Variants in SLC6A3 observed in about 807,000 individuals in gnomAD.
SLC6A3 encodes the protein solute carrier family 6 member 3, also known as sodium-dependent dopamine transporter.
SLC6A3 carries 19 observed loss-of-function variants against 70.4 expected under a neutral mutation model. That is an observed-to-expected ratio of 0.27 (90% CI 0.19 to 0.40). The LOEUF (loss-of-function observed/expected upper bound fraction) is 0.40, where lower values mean the gene tolerates loss of function less well. SLC6A3 is among the 10% of genes least tolerant of loss of function. The pLI, the probability that SLC6A3 is intolerant of heterozygous loss-of-function variation, is 1.00. For missense variants in SLC6A3, 613 were observed against 838.5 expected (o/e 0.73, Z 3.32); for synonymous variants, 368 against 356.6 (o/e 1.03, Z -0.36).
chr5:1,398,883 T>C (rs1284441180), intron 14 of SLC6A3, among the ~76,000 whole-genome samples: 1 of 152,154 alleles, frequency 6.6e-6, no homozygotes, highest in Non-Finnish European at 1.5e-5. Context: ...CAAACAAATA[T>C]ACTATCGAGG....
Position 1,411,287 on chromosome 5 carries a change from C to T in SLC6A3, c.1225G>A (p.Val409Met), listed in dbSNP as rs555596885. ...ATLPLSSAWA[V>M]VFFIMLLTLG... is the part of the protein sequence containing the mutation. ...GTGAGCAGCATGATGAAGAAGACCA[C>T]GGCCCAGGCTGAGGACAGAGGGAGC... Residue 409 changes from valine (V) to methionine (M), a missense_variant, in exon 9 of 15, where the codon GTG becomes ATG. Transcript: ENST00000270349. The surrounding 1 kb of genome is among the most constrained non-coding windows in gnomAD (Gnocchi z 6.5). 1.7e-5 allele frequency: 26 copies of T among 1,554,832 alleles called. No individual in the cohort carries two copies. The highest frequency in any genetic ancestry group is 4.1e-5 in the African/African-American group (3 of 73,210).
At position 1,397,325 on chromosome 5, in the gene SLC6A3, G is replaced by T. The variant is rs980644469; in HGVS notation, c.1840-2567C>A. Among the ~76,000 whole-genome samples, 2 of 152,230 alleles carry T rather than the reference G, an allele frequency of 1.3e-5. No homozygotes were observed. The highest frequency in any genetic ancestry group is 2.9e-5 in the Non-Finnish European group (2 of 68,044). On this transcript the variant is annotated intron_variant, in intron 14 of 14. Transcript: ENST00000270349. This position sits in a 1 kb window ranked among gnomAD's most constrained non-coding sequence, Gnocchi z 4.7. ...GGGTGCCTGCAGTCCCAGCTACTCGGGAGGCTGAGGCAGGAGAATGGCGCG... is the reference window on the plus strand; with the variant it reads ...GGGTGCCTGCAGTCCCAGCTACTCGTGAGGCTGAGGCAGGAGAATGGCGCG...
At chr5:1,423,570 TCGCAGTTC>T (rs1395173576) in intron 4 of SLC6A3, among the ~76,000 whole-genome samples, 2 of 152,238 alleles carry the variant, frequency 1.3e-5, no homozygotes, top group African/African-American at 4.8e-5. Context: ...CAGGAATCAC[TCGCAGTTC>T]CACTGTTTTT....
Position 1,432,473 on chromosome 5 carries a change from T to G in SLC6A3, c.644A>C (p.Glu215Ala). The G allele has an allele frequency of 1.2e-6, 2 of 1,613,650 alleles. No individual in the cohort carries two copies. Among genetic ancestry groups the G allele is most frequent in the Non-Finnish European group, 1.7e-6 (2 of 1,179,538 alleles). ...NDTFGTTPAAEYFERGVLHLH... is the reference protein window; with the variant it reads ...NDTFGTTPAAAYFERGVLHLH... The stretch of plus-strand genomic sequence containing the variant: ...CCCGACTCCCACTTACTCAAAGTAC[T>G]CGGCAGCAGGTGTGGTCCCAAAAGT... The change falls in exon 4 of 15, where the codon GAG becomes GCG. Residue 215 changes from glutamate (E) to alanine (A), a missense_variant. Physicochemically the swap from Glu to Ala is moderately radical, Grantham distance 107. Transcript: ENST00000270349.
chr5:1,415,435 C>A (rs563820838), intron 7 of SLC6A3, among the ~76,000 whole-genome samples: 9 of 152,308 alleles, frequency 5.9e-5, no homozygotes, highest in African/African-American at 1.9e-4. Context: ...GGGCTGCGGG[C>A]AGGCGCTGCC....
chr5:1,422,994 A>G (rs111656728), intron 4 of SLC6A3, among the ~76,000 whole-genome samples: 16 of 39,384 alleles, frequency 4.1e-4, no homozygotes, highest in East Asian at 1.3e-3. Context: ...GCTGCTGGGT[A>G]CCCACTGCTG....
intron 7 of SLC6A3, among the ~76,000 whole-genome samples, chr5:1,415,322 A>G (rs1392772131): frequency 6.6e-6 from 1 of 152,118 alleles, no homozygotes. Context: ...GGGGTCGGTC[A>G]GGGCACCAGC....
In SLC6A3 at chr5:1,436,500, A is replaced by G. The variant is rs541436716; in HGVS notation, c.419-3802T>C. On this transcript the variant is annotated intron_variant, in intron 3 of 14. Coordinates refer to ENST00000270349, the MANE Select transcript of SLC6A3 (RefSeq NM_001044.5). The surrounding 1 kb of genome is among the most constrained non-coding windows in gnomAD (Gnocchi z 5.2). ...CTTCCCTCCTGTCTGACTCCCAGGA[A>G]GCTCGGCGCTAAGTGTGAATTTCAA... 6.6e-6 allele frequency among the ~76,000 whole-genome samples: 1 copy of G among 152,330 alleles called. No individual in the cohort carries two copies. Among genetic ancestry groups the G allele is most frequent in the Admixed American group, 6.5e-5 (1 of 15,306 alleles).
At chr5:1,423,523 C>G (rs1756511470) in intron 4 of SLC6A3, among the ~76,000 whole-genome samples, 1 of 152,264 alleles carries the variant, frequency 6.6e-6, no homozygotes, top group Non-Finnish European at 1.5e-5. Flanking sequence ...TATGAGGATT[C>G]CACAAGGAAC....
At chr5:1,420,971 A>T (rs1269273972) in intron 5 of SLC6A3, among the ~76,000 whole-genome samples, 1 of 152,222 alleles carries the variant, frequency 6.6e-6, no homozygotes, top group Admixed American at 6.5e-5. Flanking sequence ...GGTCCGCCAG[A>T]GTAGCTGGGA....
intron 12 of SLC6A3, among the ~76,000 whole-genome samples, chr5:1,403,445 A>G (rs1186219667): frequency 9.1e-6 from 1 of 110,382 alleles, no homozygotes; most frequent in African/African-American, 3.6e-5. Flanking sequence ...ATCCTGTTCT[A>G]TCCCCTCTCC....
intron 6 of SLC6A3, among the ~76,000 whole-genome samples, chr5:1,419,618 T>C (rs1200872943): frequency 3.3e-5 from 5 of 152,170 alleles, no homozygotes; most frequent in African/African-American, 1.2e-4. Context: ...CCTGCTGACT[T>C]CATGGTTTGT....
intron 3 of SLC6A3, among the ~76,000 whole-genome samples, chr5:1,441,001 T>C (rs879265737): frequency 2.0e-5 from 3 of 152,142 alleles, no homozygotes; most frequent in South Asian, 2.1e-4. Context: ...AGACCAATAA[T>C]AAAGATAGAT....
chr5:1,398,621 A>T (rs546931203), intron 14 of SLC6A3, among the ~76,000 whole-genome samples: 1 of 152,352 alleles, frequency 6.6e-6, no homozygotes, highest in African/African-American at 2.4e-5. Flanking sequence ...TTTGCAAAAG[A>T]CACTTAAATC....
In SLC6A3 at chr5:1,404,767, A is replaced by G. The variant is rs1755931261; in HGVS notation, c.1599+1421T>C. On this transcript the variant is annotated intron_variant, in intron 12 of 14. Coordinates refer to ENST00000270349, the MANE Select transcript of SLC6A3 (RefSeq NM_001044.5). This position sits in a 1 kb window ranked among gnomAD's most constrained non-coding sequence, Gnocchi z 5.2. ...AATGACATAGAGCAATGAAATTGTC[A>G]TGTTTCTCTCAACTTGGCAAAATGA... Among the ~76,000 whole-genome samples, 2 of 152,282 alleles carry G rather than the reference A, an allele frequency of 1.3e-5. No individual in the cohort carries two copies. The highest frequency in any genetic ancestry group is 1.3e-4 in the Admixed American group (2 of 15,290).
chr5:1,395,379 G>A (rs1303284647), intron 14 of SLC6A3, among the ~76,000 whole-genome samples: 3 of 152,222 alleles, frequency 2.0e-5, no homozygotes, highest in Non-Finnish European at 2.9e-5. Flanking sequence ...AAAGCCCCTC[G>A]ATAGCACTAA....
Position 1,407,767 on chromosome 5 carries a change from G to A in SLC6A3, c.1498+1259C>T, listed in dbSNP as rs113291327. Among the ~76,000 whole-genome samples, 753 of 152,306 alleles carry A rather than the reference G, an allele frequency of 4.9e-3. 7 individuals carry two copies. The highest frequency in any genetic ancestry group is 0.016 in the African/African-American group (666 of 41,556). The stretch of plus-strand genomic sequence containing the variant: ...GACAAAGTATTGATTCCAGACACCC[G>A]TGAAAGTACGAGGTTGATATTTCCG... On this transcript the variant is annotated intron_variant, in intron 11 of 14. Transcript: ENST00000270349.
Position 1,421,760 on chromosome 5 carries a change from CAT to C in SLC6A3, c.792+114_792+115del, listed in dbSNP as rs1328527748. Reference sequence around the variant, plus strand: ...GTCCACCCCAACCTGGCCATGGCCACATTGGTAGCACAAAACCCAACTGAGGC... The same window carrying C: ...GTCCACCCCAACCTGGCCATGGCCACTGGTAGCACAAAACCCAACTGAGGC... On this transcript the variant is annotated intron_variant, in intron 5 of 14. Transcript: ENST00000270349. The surrounding 1 kb of genome is among the most constrained non-coding windows in gnomAD (Gnocchi z 7.2). The C allele has an allele frequency of 8.6e-7, 1 of 1,163,410 alleles. No homozygotes were observed. Among genetic ancestry groups the C allele is most frequent in the East Asian group, 2.3e-5 (1 of 42,824 alleles). The allele number at this position is 1,163,410 out of a possible 1,614,324, so 72.1% of individuals were successfully genotyped here.
In SLC6A3 at chr5:1,414,675, A is replaced by C. The variant is rs571858263; in HGVS notation, c.1156+16T>G. 1 of 1,611,802 alleles carries C rather than the reference A, an allele frequency of 6.2e-7. No individual in the cohort carries two copies. ...TGCTACACGGAGCAGGCCCAGGTGC[A>C]GCAGGAGGGGCTCACCGTCCTTGGC... On this transcript the variant is annotated intron_variant, in intron 8 of 14. Transcript: ENST00000270349.
Sources: allele counts gnomAD v4.1 joint callset (sites outside exome capture counted in the v4.1 genomes callset), GRCh38; gene constraint gnomAD v4.1.1; non-coding constraint Gnocchi (gnomAD v3.1); transcripts MANE v1.5; gene names NCBI Gene and HGNC (gene_info 2026-07-23, HGNC 2026-07-21).